KCNN2: variants seen among roughly 807,000 people sequenced by gnomAD.
The protein encoded by KCNN2 is potassium calcium-activated channel subfamily N member 2.
KCNN2 carries 24 observed loss-of-function variants against 55.5 expected under a neutral mutation model. The ratio of observed to expected loss-of-function variants is 0.43; its 90% CI spans 0.31 to 0.61. KCNN2 has a LOEUF of 0.61. KCNN2 is among the 20% of genes least tolerant of loss of function. KCNN2 has a pLI of 0.08. For synonymous variants in KCNN2, 431 were observed against 336.1 expected (o/e 1.28, Z -3.09); for missense variants, 754 against 853.6 (o/e 0.88, Z 1.45).
At chr5:114,309,737 G>A (rs575250517) in intron 2 of KCNN2, among the ~76,000 whole-genome samples, 1 of 152,200 alleles carries the variant, frequency 6.6e-6, no homozygotes, top group East Asian at 1.9e-4. Flanking sequence ...CACACAGACA[G>A]GTGTAATATG....
chr5:114,113,528 T>C (rs1045487459), intron 1 of KCNN2, among the ~76,000 whole-genome samples: 1 of 151,936 alleles, frequency 6.6e-6, no homozygotes, highest in Non-Finnish European at 1.5e-5. Context: ...GGCAAAAAAA[T>C]TTTATCTGAC....
chr5:114,400,750 T>C (rs1430688387), intron 2 of KCNN2, among the ~76,000 whole-genome samples: 2 of 152,232 alleles, frequency 1.3e-5, no homozygotes, highest in African/African-American at 4.8e-5. Flanking sequence ...TGCTGTTTCC[T>C]GTGCCTAGAA....
intron 3 of KCNN2, among the ~76,000 whole-genome samples, chr5:114,407,434 T>A (rs567298008): frequency 3.3e-5 from 5 of 152,342 alleles, no homozygotes; most frequent in Middle Eastern, 3.4e-3. Flanking sequence ...GCCTTTTTTT[T>A]AATAGCATCA....
rs1032358206 is a variant in KCNN2 at position 114,159,957 on chromosome 5, C to T, written c.-270-61523C>T. ...TGTTGATCGTTTCAAAAAACCAGCT[C>T]CTGGATTCATTGATTTTTTGAGGGG... On this transcript the variant is annotated intron_variant, in intron 1 of 10. Coordinates refer to the KCNN2 transcript ENST00000512097. 3.3e-5 allele frequency among the ~76,000 whole-genome samples: 5 copies of T among 152,082 alleles called. No homozygotes were observed. The East Asian group carries it at 5.8e-4, about 18-fold the overall frequency.
chr5:114,477,904 T>G (rs1460014962), intron 5 of KCNN2, among the ~76,000 whole-genome samples: 2 of 152,204 alleles, frequency 1.3e-5, no homozygotes, highest in Admixed American at 6.5e-5. Context: ...AACACTATTA[T>G]GCAGTTATAT....
At chr5:114,472,888 G>A (rs1399495609) in intron 4 of KCNN2, among the ~76,000 whole-genome samples, 166 bp from the exon 5 acceptor site, 1 of 152,132 alleles carries the variant, frequency 6.6e-6, no homozygotes, top group Non-Finnish European at 1.5e-5. Context: ...CCCAGTTTAA[G>A]GCACATTGCT....
chr5:114,206,517 G>T (rs1753779405), intron 1 of KCNN2, among the ~76,000 whole-genome samples: 1 of 151,656 alleles, frequency 6.6e-6, no homozygotes, highest in Non-Finnish European at 1.5e-5. Context: ...ATTTTTTTCA[G>T]CATGAAATCC....
chr5:114,149,868 C>T (rs1195919387), intron 1 of KCNN2, among the ~76,000 whole-genome samples: 1 of 152,140 alleles, frequency 6.6e-6, no homozygotes, highest in Admixed American at 6.6e-5. Flanking sequence ...TATGCCTTAA[C>T]CCTAAAGAGG....
intron 1 of KCNN2, among the ~76,000 whole-genome samples, chr5:114,184,759 T>C (rs1450564461): frequency 6.6e-6 from 1 of 152,166 alleles, no homozygotes; most frequent in Non-Finnish European, 1.5e-5. Flanking sequence ...ACTCAAGGAA[T>C]GTTAGTTAAT....
At chr5:114,318,150 A>G (rs1332633366) in intron 2 of KCNN2, among the ~76,000 whole-genome samples, 1 of 152,096 alleles carries the variant, frequency 6.6e-6, no homozygotes, top group Admixed American at 6.5e-5. Context: ...GACTCATTAT[A>G]TTTCTACTTT....
upstream of KCNN2, among the ~76,000 whole-genome samples, chr5:114,358,303 G>C (rs1176355861): frequency 1.3e-5 from 2 of 152,064 alleles, no homozygotes; most frequent in African/African-American, 4.8e-5. Flanking sequence ...GGGCGAAGGA[G>C]ATGAAGTTTT....
chr5:114,212,353 G>T (rs891731208), intron 1 of KCNN2, among the ~76,000 whole-genome samples: 1 of 151,996 alleles, frequency 6.6e-6, no homozygotes, highest in East Asian at 1.9e-4. Flanking sequence ...CAAATCTATA[G>T]AGATAAAGTA....
At chr5:114,262,675 T>C (rs548214971) in intron 2 of KCNN2, among the ~76,000 whole-genome samples, 1 of 152,348 alleles carries the variant, frequency 6.6e-6, no homozygotes. Context: ...GAATAGCAGG[T>C]GAAACTTATG....
intron 2 of KCNN2, among the ~76,000 whole-genome samples, chr5:114,383,464 C>CTTTTT (rs66787954): frequency 8.8e-5 from 9 of 102,688 alleles, no homozygotes; most frequent in African/African-American, 1.8e-4. Flanking sequence ...CCACTAAATG[C>CTTTTT]TTTTTTTTTT....
At chr5:114,324,181 CCAA>C (rs1756672418) in intron 2 of KCNN2, among the ~76,000 whole-genome samples, 1 of 152,028 alleles carries the variant, frequency 6.6e-6, no homozygotes, top group South Asian at 2.1e-4. Flanking sequence ...ATACGTTGTA[CCAA>C]CACCTATGAA....
At chr5:114,418,708 C>T (rs891623642) in intron 3 of KCNN2, among the ~76,000 whole-genome samples, 1 of 152,160 alleles carries the variant, frequency 6.6e-6, no homozygotes, top group Non-Finnish European at 1.5e-5. Context: ...TTTCATGAAA[C>T]TGTCCATGTG....
intron 2 of KCNN2, among the ~76,000 whole-genome samples, chr5:114,241,733 C>G (rs4705645): frequency 3.7e-5 from 2 of 53,336 alleles, no homozygotes; most frequent in African/African-American, 1.9e-4. Context: ...TATATATATA[C>G]ATATATACGT....
At position 114,478,162 on chromosome 5, in the gene KCNN2, C is replaced by G. The variant is rs79558926; in HGVS notation, c.1890+4998C>G. On this transcript the variant is annotated intron_variant, in intron 5 of 7. Coordinates refer to ENST00000673685, the MANE Select transcript of KCNN2 (RefSeq NM_021614.4). The stretch of plus-strand genomic sequence containing the variant: ...AGGGTGGTTGAGAGCATATGGCACC[C>G]TGGTGCATTCCCCTTGAATTGGCGA... Among the ~76,000 whole-genome samples, 40 of 152,192 alleles carry G rather than the reference C, an allele frequency of 2.6e-4. 1 individual carries two copies. The East Asian group carries it at 5.6e-3, about 21-fold the overall frequency.
chr5:114,458,688 C>G, intron 3 of KCNN2, among the ~76,000 whole-genome samples: 1 of 152,062 alleles, frequency 6.6e-6, no homozygotes, highest in Non-Finnish European at 1.5e-5. Context: ...TCTTATGACC[C>G]AAAGTAACGT....
Sources: allele counts gnomAD v4.1 joint callset (sites outside exome capture counted in the v4.1 genomes callset), GRCh38; gene constraint gnomAD v4.1.1; transcripts MANE v1.5; gene names NCBI Gene and HGNC (gene_info 2026-07-23, HGNC 2026-07-21).